The following GULP1 variants were observed in gnomAD, a reference collection of about 807,000 sequenced individuals.
The protein encoded by GULP1 is PTB domain-containing engulfment adapter protein 1.
GULP1 carries 19 observed loss-of-function variants against 40.9 expected under a neutral mutation model. That is an observed-to-expected ratio of 0.46 (90% CI 0.32 to 0.68). GULP1 has a LOEUF of 0.68. Among genes scored for constraint, GULP1 ranks in the 30% least tolerant of loss-of-function variants. GULP1 has a pLI of 0.03. For missense variants in GULP1, 312 were observed against 362.2 expected, an observed-to-expected ratio of 0.86 and a Z score of 1.12; for synonymous variants, 119 against 117.6, an observed-to-expected ratio of 1.01 and a Z score of -0.08.
rs76450791 is a variant in GULP1, at chr2:188,412,116, G to A, written c.-45+28227G>A. On this transcript the variant is annotated intron_variant, in intron 2 of 11. Coordinates refer to ENST00000409830, the MANE Select transcript of GULP1 (RefSeq NM_016315.4). ...CAGACCTGCTTAAGTTCACAATTCC[G>A]CTGAGCTGGGGAGGCCTCAGGAAAC... Among the ~76,000 whole-genome samples, 66 of 152,166 alleles carry A rather than the reference G, an allele frequency of 4.3e-4. 1 individual carries two copies. In the East Asian group the frequency reaches 7.2e-3, roughly 17 times the overall value.
At chr2:188,458,228 T>C (rs1040562283) in intron 2 of GULP1, among the ~76,000 whole-genome samples, 6 of 152,294 alleles carry the variant, frequency 3.9e-5, no homozygotes, top group Non-Finnish European at 8.8e-5. Flanking sequence ...TATTCCCTCA[T>C]ACTTTCTCAA....
At chr2:188,380,559 A>G (rs1353465348) in intron 1 of GULP1, among the ~76,000 whole-genome samples, 5 of 152,204 alleles carry the variant, frequency 3.3e-5, no homozygotes, top group Non-Finnish European at 7.3e-5. Flanking sequence ...ACAAGAAAAA[A>G]ATAGAAAAGA....
intron 4 of GULP1, among the ~76,000 whole-genome samples, chr2:188,513,940 TC>T (rs1262648681): frequency 6.6e-6 from 1 of 152,096 alleles, no homozygotes; most frequent in Non-Finnish European, 1.5e-5. Context: ...TTTCAGGTTC[TC>T]CCCATATCTG....
At chr2:188,461,549 C>A (rs908502306) in intron 2 of GULP1, among the ~76,000 whole-genome samples, 1 of 152,032 alleles carries the variant, frequency 6.6e-6, no homozygotes, top group East Asian at 1.9e-4. Context: ...AGGTGATCCA[C>A]CCACCTTAGC....
At chr2:188,496,177 C>T (rs1278510909) in intron 4 of GULP1, among the ~76,000 whole-genome samples, 1 of 151,890 alleles carries the variant, frequency 6.6e-6, no homozygotes, top group Non-Finnish European at 1.5e-5. Flanking sequence ...TTCAGATAAG[C>T]GATAGTATCT....
In GULP1 at chr2:188,375,880, C is replaced by T. The variant is rs7561933; in HGVS notation, c.-171-7883C>T. Among the ~76,000 whole-genome samples, 881 of 152,204 alleles carry T rather than the reference C, an allele frequency of 5.8e-3. 3 individuals carry two copies. The highest frequency in any genetic ancestry group is 8.4e-3 in the Non-Finnish European group (573 of 68,018). On this transcript the variant is annotated intron_variant, in intron 1 of 11. Coordinates refer to ENST00000409830, the MANE Select transcript of GULP1 (RefSeq NM_016315.4). ...GGGTTTTACAGATATGTTCACTCCC[C>T]TGTATCCTCAGGGGATTGATTCCAG...
At chr2:188,563,968 T>C (rs771660392) in intron 7 of GULP1, among the ~76,000 whole-genome samples, 2 of 151,926 alleles carry the variant, frequency 1.3e-5, no homozygotes, top group Non-Finnish European at 2.9e-5. Flanking sequence ...CAAGTTTGGT[T>C]TAACATAAGA....
intron 1 of GULP1, among the ~76,000 whole-genome samples, chr2:188,357,107 G>T (rs1215321369): frequency 6.6e-6 from 1 of 152,080 alleles, no homozygotes; most frequent in Non-Finnish European, 1.5e-5. Flanking sequence ...AAAACTACTA[G>T]AAGGAAACAT....
intron 7 of GULP1, among the ~76,000 whole-genome samples, chr2:188,568,624 G>A: frequency 6.6e-6 from 1 of 152,102 alleles, no homozygotes; most frequent in East Asian, 1.9e-4. Context: ...TAAAATTTCA[G>A]ACTTCTGGCC....
At chr2:188,379,327 A>G (rs918210752) in intron 1 of GULP1, among the ~76,000 whole-genome samples, 2 of 152,190 alleles carry the variant, frequency 1.3e-5, no homozygotes, top group African/African-American at 2.4e-5. Context: ...CTCAGAATGC[A>G]TTTGGAAGAA....
intron 7 of GULP1, among the ~76,000 whole-genome samples, chr2:188,566,494 G>A (rs1483234164): frequency 6.6e-6 from 1 of 151,958 alleles, no homozygotes; most frequent in Non-Finnish European, 1.5e-5. Flanking sequence ...TCTTTATAAT[G>A]TACAAATTGA....
At chr2:188,448,594 T>C (rs936223832) in intron 2 of GULP1, among the ~76,000 whole-genome samples, 2 of 152,200 alleles carry the variant, frequency 1.3e-5, no homozygotes, top group Non-Finnish European at 2.9e-5. Flanking sequence ...TGGACCTATG[T>C]ATCATCATCT....
At chr2:188,492,395 A>C (rs981606876) in intron 4 of GULP1, among the ~76,000 whole-genome samples, 7 of 152,068 alleles carry the variant, frequency 4.6e-5, no homozygotes, top group Non-Finnish European at 8.8e-5. Flanking sequence ...ACAGTATTCC[A>C]GGCATTTCTT....
At chr2:188,530,320 A>G (rs1687215148) in intron 6 of GULP1, among the ~76,000 whole-genome samples, 1 of 152,292 alleles carries the variant, frequency 6.6e-6, no homozygotes. Context: ...AGCCCATAAT[A>G]CAGTGTAAAC....
At chr2:188,362,629 T>G (rs1229129041) in intron 1 of GULP1, among the ~76,000 whole-genome samples, 1 of 152,136 alleles carries the variant, frequency 6.6e-6, no homozygotes, top group African/African-American at 2.4e-5. Context: ...AATTTAAATT[T>G]ACAAGTAACC....
intron 2 of GULP1, among the ~76,000 whole-genome samples, chr2:188,424,130 A>G (rs1020968904): frequency 6.6e-6 from 1 of 151,950 alleles, no homozygotes; most frequent in African/African-American, 2.4e-5. Flanking sequence ...AAAACTGAAT[A>G]CCAAAGGTTG....
intron 9 of GULP1, among the ~76,000 whole-genome samples, chr2:188,570,412 C>G (rs897658253): frequency 6.6e-6 from 1 of 152,018 alleles, no homozygotes; most frequent in Non-Finnish European, 1.5e-5. Flanking sequence ...GTGGCATATT[C>G]TTCTTTTGTT....
intron 7 of GULP1, among the ~76,000 whole-genome samples, chr2:188,551,088 T>C (rs1259931943): frequency 2.0e-5 from 3 of 151,690 alleles, no homozygotes; most frequent in Admixed American, 6.6e-5. Context: ...CTTTTGTATG[T>C]GATTTTTTAA....
chr2:188,486,385 G>A (rs1446032835), intron 4 of GULP1, among the ~76,000 whole-genome samples: 2 of 151,836 alleles, frequency 1.3e-5, no homozygotes, highest in African/African-American at 4.8e-5. Flanking sequence ...TTTCATCCTG[G>A]CTAAAAGAGA....
Sources: gnomAD v4.1 joint callset for allele counts (sites outside exome capture counted in the v4.1 genomes callset) on GRCh38, gnomAD v4.1.1 for gene constraint, MANE v1.5 for transcripts, NCBI Gene and HGNC (gene_info 2026-07-23, HGNC 2026-07-21) for gene names.